Variants in VAPA observed in about 807,000 individuals in gnomAD.
VAPA encodes the protein VAMP associated protein A.
Under a neutral mutation model 25.6 loss-of-function variants are expected in VAPA, and 6 were observed. That is an observed-to-expected ratio of 0.23 (90% CI 0.13 to 0.46). The LOEUF (loss-of-function observed/expected upper bound fraction) is 0.46. Among genes scored for constraint, VAPA ranks in the 20% least tolerant of loss-of-function variants. VAPA has a pLI of 0.99. For missense variants in VAPA, 244 were observed against 302.1 expected, an observed-to-expected ratio of 0.81 and a Z score of 1.43; for synonymous variants, 112 against 106.2, an observed-to-expected ratio of 1.05 and a Z score of -0.34.
intron 1 of VAPA, among the ~76,000 whole-genome samples, chr18:9,931,467 CAGACAACT>C (rs1440437959): frequency 6.6e-6 from 1 of 152,148 alleles, no homozygotes; most frequent in Admixed American, 6.5e-5. Context: ...CACTGGTTTG[CAGACAACT>C]GGGAAATTCT....
At chr18:9,942,423 T>TTA (rs1323248376) in intron 4 of VAPA, among the ~76,000 whole-genome samples, 1 of 152,020 alleles carries the variant, frequency 6.6e-6, no homozygotes, top group Non-Finnish European at 1.5e-5. Context: ...GTCTTGAACT[T>TTA]TATGATTTTT....
chr18:9,940,747 C>T (rs1017173710), intron 4 of VAPA, among the ~76,000 whole-genome samples: 2 of 152,084 alleles, frequency 1.3e-5, no homozygotes, highest in African/African-American at 4.8e-5. Context: ...GGCTCACTGG[C>T]CTCGTCATTA....
intron 1 of VAPA, 121 bp downstream of exon 1, chr18:9,914,456 C>T: frequency 6.1e-6 from 5 of 815,570 alleles, no homozygotes; most frequent in Admixed American, 4.4e-5. Flanking sequence ...CCCCCACGCC[C>T]CGGCGCCTTC....
At chr18:9,922,245 C>G (rs1488223675) in intron 1 of VAPA, among the ~76,000 whole-genome samples, 5 of 152,158 alleles carry the variant, frequency 3.3e-5, no homozygotes, top group Admixed American at 3.3e-4. Context: ...GCTGGAATTA[C>G]AGGCATGAGC....
At position 9,914,141 on chromosome 18, in the gene VAPA, G is replaced by C. The variant is rs2069087944; in HGVS notation, c.-116G>C. 2 of 876,084 alleles carry C rather than the reference G, an allele frequency of 2.3e-6. No homozygotes were observed. The highest frequency in any genetic ancestry group is 3.3e-6 in the Non-Finnish European group (2 of 599,170). 54.3% of individuals were successfully genotyped at this position (876,084 alleles called of 1,614,324 possible). A position where few individuals can be genotyped will look rare whatever the true frequency, so the allele number is the denominator to read the frequency against. ...CACAGCGGCAGGCGTTAGGGCTCGGGAGCCGCGAGCCTGGCCTCGTCCTAG... is the reference window on the plus strand; with the variant it reads ...CACAGCGGCAGGCGTTAGGGCTCGGCAGCCGCGAGCCTGGCCTCGTCCTAG... On this transcript the variant is annotated 5_prime_UTR_variant, in exon 1 of 6. Coordinates refer to ENST00000400000, the MANE Select transcript of VAPA (RefSeq NM_194434.3).
intron 2 of VAPA, among the ~76,000 whole-genome samples, chr18:9,932,407 CT>C (rs891901423): frequency 7.9e-5 from 12 of 152,234 alleles, no homozygotes; most frequent in Non-Finnish European, 1.5e-4. Flanking sequence ...GTCTTTATGC[CT>C]TTCATTGTAA....
chr18:9,955,672 A>AAGT lies in VAPA; in HGVS notation c.*1463_*1465dup, dbSNP rs1231831808. ...TGTGTACACATTTTATAGAAGAATG[A>AAGT]AGTACTCTGAAGTATTTTGGTTGCC... On this transcript the variant is annotated 3_prime_UTR_variant, in exon 6 of 6. Coordinates refer to ENST00000400000, the MANE Select transcript of VAPA (RefSeq NM_194434.3). The AAGT allele has an allele frequency of 6.6e-6, 1 of 152,192 alleles. No homozygotes were observed. The highest frequency in any genetic ancestry group is 1.5e-5 in the Non-Finnish European group (1 of 68,026). 9.4% of individuals were successfully genotyped at this position (152,192 alleles called of 1,614,324 possible).
chr18:9,950,567 G>GAGT lies in VAPA; in HGVS notation c.591+1_591+3dup, dbSNP rs1276341736. The GAGT allele has an allele frequency of 6.2e-7, 1 of 1,611,820 alleles. No individual in the cohort carries two copies. The highest frequency in any genetic ancestry group is 1.7e-5 in the Admixed American group (1 of 59,360). ...CTATCAGAAGAAAATCGGCACCTGA[G>GAGT]AGTAAGTTCTGTTGGTTGAAAATAA... On this transcript the variant is annotated inframe_insertion and splice_region_variant, in exon 5 of 6. Transcript: ENST00000400000.
At chr18:9,924,380 T>C (rs1185411310) in intron 1 of VAPA, among the ~76,000 whole-genome samples, 1 of 152,210 alleles carries the variant, frequency 6.6e-6, no homozygotes, top group Non-Finnish European at 1.5e-5. Context: ...CATTGTTCTT[T>C]TACAAATAAT....
At chr18:9,914,400 G>A (rs559745836) in intron 1 of VAPA, 65 bp downstream of exon 1, 2 of 1,431,546 alleles carry the variant, frequency 1.4e-6, no homozygotes, top group Admixed American at 2.5e-5. Flanking sequence ...TCGGCGGGGG[G>A]GCGCGGAGGG....
intron 1 of VAPA, among the ~76,000 whole-genome samples, chr18:9,915,498 A>G (rs1456294352): frequency 6.6e-6 from 1 of 151,988 alleles, no homozygotes. Flanking sequence ...AATAGAAAGT[A>G]GGTTCCTTCC....
At chr18:9,917,141 C>A (rs1202966897) in intron 1 of VAPA, among the ~76,000 whole-genome samples, 2 of 152,130 alleles carry the variant, frequency 1.3e-5, no homozygotes, top group Non-Finnish European at 2.9e-5. Flanking sequence ...CGCTGCTTTA[C>A]TTCAAATTCT....
chr18:9,954,236 C>CTTT lies in VAPA; in HGVS notation c.*36_*38dup, dbSNP rs372690575. 126 of 1,343,548 alleles carry CTTT rather than the reference C, an allele frequency of 9.4e-5. No homozygotes were observed. Among genetic ancestry groups the CTTT allele is most frequent in the Admixed American group, 4.0e-4 (17 of 42,654 alleles). The allele number at this position is 1,343,548 out of a possible 1,614,324, so 83.2% of individuals were successfully genotyped here. Reference sequence around the variant, plus strand: ...GAGTGAAGCATGCAGAGTGCTGTTTCTTTTTTTTTTTTTCTCTTGACCAGA... The same window carrying CTTT: ...GAGTGAAGCATGCAGAGTGCTGTTTCTTTTTTTTTTTTTTTTCTCTTGACCAGA... On this transcript the variant is annotated 3_prime_UTR_variant, in exon 6 of 6. Transcript: ENST00000400000.
chr18:9,916,813 A>G (rs1029802452), intron 1 of VAPA, among the ~76,000 whole-genome samples: 3 of 152,200 alleles, frequency 2.0e-5, no homozygotes, highest in Non-Finnish European at 4.4e-5. Flanking sequence ...GTTTTGCAAA[A>G]TTCTTTGTCA....
chr18:9,936,767 A>G (rs956016681), intron 3 of VAPA: 6 of 460,116 alleles, frequency 1.3e-5, no homozygotes, highest in African/African-American at 2.0e-5. Context: ...GTTGCTAGTA[A>G]TATCATCGTG....
chr18:9,936,865 G>C (rs758994973), intron 3 of VAPA, 121 bp from the exon 4 acceptor site: 5 of 706,178 alleles, frequency 7.1e-6, no homozygotes, highest in Admixed American at 4.7e-5. Context: ...AATAAAGAGT[G>C]CACCAGTGTG....
At position 9,954,108 on chromosome 18, in the gene VAPA, C is replaced by T. The variant is rs376344309; in HGVS notation, c.647C>T (p.Ser216Leu). 23 of 1,614,030 alleles carry T rather than the reference C, an allele frequency of 1.4e-5. No homozygotes were observed. The highest frequency in any genetic ancestry group is 1.9e-5 in the Non-Finnish European group (23 of 1,180,014). ...CATTCGGATAAACCTGGATCAACCT[C>T]AACTGCATCCTTCAGAGATAATGTC... is the stretch of plus-strand genomic sequence containing the variant. The part of the protein sequence containing the change: ...VAHSDKPGST[S>L]TASFRDNVTS... The change falls in exon 6 of 6, where the codon TCA becomes TTA. Residue 216 changes from serine (S) to leucine (L), a missense_variant. This residue lies in a region of VAPA where 145 missense variants were observed against 140.6 expected (regional missense o/e 1.03). Transcript: ENST00000400000.
chr18:9,943,892 G>T (rs1358101239), intron 4 of VAPA, among the ~76,000 whole-genome samples: 1 of 96,766 alleles, frequency 1.0e-5, no homozygotes, highest in Non-Finnish European at 1.9e-5. Flanking sequence ...ACAGTGTCTC[G>T]CTCTGTCACC....
chr18:9,946,110 A>G (rs373936867), intron 4 of VAPA, among the ~76,000 whole-genome samples: 7 of 152,282 alleles, frequency 4.6e-5, no homozygotes, highest in African/African-American at 1.4e-4. Flanking sequence ...ATTAACCCCC[A>G]GTAAAAATAC....
Sources: gnomAD v4.1 joint callset for allele counts (sites outside exome capture counted in the v4.1 genomes callset) on GRCh38, gnomAD v4.1.1 for gene constraint, gnomAD v4.1.1 regional missense constraint, MANE v1.5 for transcripts, NCBI Gene and HGNC (gene_info 2026-07-23, HGNC 2026-07-21) for gene names.